ZNF385D: variants seen among roughly 807,000 people sequenced by gnomAD.
ZNF385D encodes zinc finger protein 659.
Under a neutral mutation model 35.8 loss-of-function variants are expected in ZNF385D, and 15 were observed. That is an observed-to-expected ratio of 0.42 (90% CI 0.28 to 0.64). The LOEUF (loss-of-function observed/expected upper bound fraction) is 0.64, where lower values mean the gene tolerates loss of function less well. ZNF385D is among the 30% of genes least tolerant of loss of function. The pLI, the probability that ZNF385D is intolerant of heterozygous loss-of-function variation, is 0.23. For missense variants in ZNF385D, 474 were observed against 494.6 expected (o/e 0.96, Z 0.39); for synonymous variants, 212 against 186.8 (o/e 1.13, Z -1.10).
intron 3 of ZNF385D, among the ~76,000 whole-genome samples, chr3:22,144,437 G>A (rs1704715832): frequency 6.6e-6 from 1 of 151,926 alleles, no homozygotes; most frequent in Non-Finnish European, 1.5e-5. Flanking sequence ...AAATTACCCA[G>A]GTGTGGTGGT....
rs368715932 is a variant in ZNF385D, at chr3:22,098,985, A to G, written c.325+69832T>C. On this transcript the variant is annotated intron_variant, in intron 3 of 5. Transcript: ENST00000494108. ...TACTCTATACTAAGGACATAATTAG[A>G]GTTATGCACAACTTCTTCATGGATA... Among the ~76,000 whole-genome samples, 245 of 152,190 alleles carry G rather than the reference A, an allele frequency of 1.6e-3. 1 individual carries two copies. The highest frequency in any genetic ancestry group is 5.7e-3 in the African/African-American group (236 of 41,540).
intron 1 of ZNF385D, among the ~76,000 whole-genome samples, chr3:21,698,178 C>G (rs1193572670): frequency 6.6e-6 from 1 of 152,060 alleles, no homozygotes; most frequent in Non-Finnish European, 1.5e-5. Context: ...TTCACAATAA[C>G]AAAGTCATGG....
intron 2 of ZNF385D, among the ~76,000 whole-genome samples, chr3:22,347,196 A>G (rs1575167561): frequency 1.3e-5 from 2 of 152,234 alleles, no homozygotes; most frequent in South Asian, 4.1e-4. Flanking sequence ...TGGTTTGCTC[A>G]TAACATGTTT....
intron 1 of ZNF385D, among the ~76,000 whole-genome samples, chr3:21,722,193 C>G (rs2068571390): frequency 6.6e-6 from 1 of 152,000 alleles, no homozygotes; most frequent in Non-Finnish European, 1.5e-5. Flanking sequence ...AAGTCAATGG[C>G]AGCCCCCAGC....
In ZNF385D at chr3:21,417,062, G is replaced by A. The variant is rs1383343110; in HGVS notation, c.*4152C>T. 1 of 152,088 alleles carries A rather than the reference G, an allele frequency of 6.6e-6. No homozygotes were observed. The highest frequency in any genetic ancestry group is 2.4e-5 in the African/African-American group (1 of 41,418). The allele number at this position is 152,088 out of a possible 1,614,324, so 9.4% of individuals were successfully genotyped here. ...AATTAGCAACTACTCCAATATTGGT[G>A]AAATGTACATTCTGGTTGAGCATAT... On this transcript the variant is annotated 3_prime_UTR_variant, in exon 8 of 8. Coordinates refer to ENST00000281523, the MANE Select transcript of ZNF385D (RefSeq NM_024697.3).
intron 3 of ZNF385D, among the ~76,000 whole-genome samples, chr3:22,100,052 C>T (rs533450058): frequency 8.6e-5 from 13 of 151,398 alleles, no homozygotes; most frequent in African/African-American, 1.2e-4. Context: ...CAAAAGAAGG[C>T]ATTTATGCAG....
intron 2 of ZNF385D, among the ~76,000 whole-genome samples, chr3:22,307,178 A>G (rs1703272669): frequency 6.6e-6 from 1 of 152,106 alleles, no homozygotes. Context: ...TACCAATGAA[A>G]TTGACTCAGA....
chr3:21,819,755 C>CATAG (rs1455185104), intron 3 of ZNF385D, among the ~76,000 whole-genome samples: 1 of 139,560 alleles, frequency 7.2e-6, no homozygotes, highest in East Asian at 2.1e-4. Context: ...CACACGTACA[C>CATAG]ATAATTATAT....
chr3:22,024,887 C>G (rs958023891), intron 3 of ZNF385D, among the ~76,000 whole-genome samples: 8 of 152,146 alleles, frequency 5.3e-5, no homozygotes, highest in African/African-American at 1.7e-4. Context: ...AGCCTCAAAT[C>G]TGGTAAGATT....
At chr3:21,936,335 C>T (rs1701256723) in intron 3 of ZNF385D, among the ~76,000 whole-genome samples, 4 of 151,468 alleles carry the variant, frequency 2.6e-5, no homozygotes, top group Admixed American at 2.6e-4. Flanking sequence ...CGTATTGAGG[C>T]TAAAAATTCT....
At chr3:22,336,372 A>C (rs1695161229) in intron 2 of ZNF385D, among the ~76,000 whole-genome samples, 1 of 152,174 alleles carries the variant, frequency 6.6e-6, no homozygotes. Flanking sequence ...CTAAAAAGCT[A>C]TTCAACTGTA....
chr3:22,174,802 G>C lies in ZNF385D; in HGVS notation c.107-5767C>G, dbSNP rs997992105. On this transcript the variant is annotated intron_variant, in intron 2 of 5. Transcript: ENST00000494108. ...TTTCATTACAAAGTCAAAATTACAA[G>C]TTTATTTGGTAAGCAGCTTTATATT... Among the ~76,000 whole-genome samples the C allele has an allele frequency of 2.7e-4, 41 of 152,004 alleles. 1 individual carries two copies. Among genetic ancestry groups the C allele is most frequent in the Non-Finnish European group, 4.9e-4 (33 of 67,960 alleles).
chr3:21,723,824 G>T (rs1217885921), intron 1 of ZNF385D, among the ~76,000 whole-genome samples: 2 of 152,076 alleles, frequency 1.3e-5, no homozygotes, highest in African/African-American at 4.8e-5. Flanking sequence ...TCCTTGAGAA[G>T]AGCAACCCCA....
intron 3 of ZNF385D, among the ~76,000 whole-genome samples, chr3:22,117,594 AT>A (rs555891852): frequency 3.3e-5 from 5 of 152,118 alleles, no homozygotes; most frequent in East Asian, 1.9e-4. Context: ...TACAAAAAAA[AT>A]GATATTCTTT....
At chr3:22,197,742 T>C (rs540568686) in intron 2 of ZNF385D, among the ~76,000 whole-genome samples, 1 of 152,102 alleles carries the variant, frequency 6.6e-6, no homozygotes, top group Admixed American at 6.6e-5. Flanking sequence ...TCTGTTCAGA[T>C]TCTGGGACTC....
chr3:21,565,025 C>T lies in ZNF385D; in HGVS notation c.166-341G>A, dbSNP rs113911252. On this transcript the variant is annotated intron_variant, in intron 2 of 7. Coordinates refer to ENST00000281523, the MANE Select transcript of ZNF385D (RefSeq NM_024697.3). ...GTTATTGCTAATGCCAGCAATCTAA[C>T]ACAGAAGTATGTCTATACCATTGCC... Among the ~76,000 whole-genome samples, 18 of 152,240 alleles carry T rather than the reference C, an allele frequency of 1.2e-4. 1 individual carries two copies. Among genetic ancestry groups the T allele is most frequent in the African/African-American group, 4.1e-4 (17 of 41,558 alleles).
chr3:21,425,567 G>A lies in ZNF385D; in HGVS notation c.777C>T (p.Asn259=). The change falls in exon 6 of 8, where the codon AAC becomes AAT. Residue 259 remains asparagine, a synonymous_variant. Transcript: ENST00000281523. ...VKGKGPVNKG[N]TGLQNKTFHC... ...GAAATGTTTTATTTTGGAGGCCTGT[G>A]TTTCCTTTATTAACAGGTCCTTTGC... 6.2e-7 allele frequency: 1 copy of A among 1,612,040 alleles called. No homozygotes were observed. Among genetic ancestry groups the A allele is most frequent in the Non-Finnish European group, 8.5e-7 (1 of 1,179,024 alleles).
intron 3 of ZNF385D, among the ~76,000 whole-genome samples, chr3:22,126,310 GTTTT>G (rs57457479): frequency 2.0e-5 from 2 of 100,148 alleles, no homozygotes; most frequent in Non-Finnish European, 3.9e-5. Flanking sequence ...TTTGAAAGTT[GTTTT>G]TTTTTTTTTT....
At chr3:21,608,012 C>CTTCTTTTTTTT (rs2064536095) in intron 2 of ZNF385D, among the ~76,000 whole-genome samples, 7 of 123,964 alleles carry the variant, frequency 5.6e-5, no homozygotes, top group African/African-American at 2.2e-4. Flanking sequence ...TCTTTTTCTT[C>CTTCTTTTTTTT]TTTTTTTTTT....
Sources: allele counts gnomAD v4.1 joint callset (sites outside exome capture counted in the v4.1 genomes callset), GRCh38; gene constraint gnomAD v4.1.1; transcripts MANE v1.5; gene names NCBI Gene and HGNC (gene_info 2026-07-23, HGNC 2026-07-21).